The following CTBP1 variants were observed in gnomAD, a reference collection of about 807,000 sequenced individuals.
The protein encoded by CTBP1 is C-terminal-binding protein 1.
A neutral mutation model predicts 42.1 loss-of-function variants in CTBP1; 11 were observed. That is an observed-to-expected ratio of 0.26 (90% CI 0.16 to 0.43). The LOEUF (loss-of-function observed/expected upper bound fraction) is 0.43. Among genes scored for constraint, CTBP1 ranks in the 20% least tolerant of loss-of-function variants. The pLI, the probability that CTBP1 is intolerant of heterozygous loss-of-function variation, is 1.00. For missense variants in CTBP1, 399 were observed against 624.3 expected, an observed-to-expected ratio of 0.64 and a Z score of 3.85; for synonymous variants, 324 against 277.1, an observed-to-expected ratio of 1.17 and a Z score of -1.68.
chr4:1,242,974 A>C, intron 1 of CTBP1: 1 of 985,034 alleles, frequency 1.0e-6, no homozygotes, highest in Non-Finnish European at 1.2e-6. Flanking sequence ...CATCAACGCC[A>C]ACCGATACTC....
chr4:1,218,531 G>A (rs1729393041), intron 5 of CTBP1: 1 of 152,208 alleles, frequency 6.6e-6, no homozygotes, highest in South Asian at 2.1e-4. Flanking sequence ...CCAGAATCGG[G>A]GGGCGTAAAC....
intron 5 of CTBP1, among the ~76,000 whole-genome samples, chr4:1,222,955 T>G (rs908740202): frequency 8.6e-5 from 13 of 151,846 alleles, no homozygotes; most frequent in African/African-American, 2.4e-4. Flanking sequence ...CATCCCACAG[T>G]CCCTCGTACA....
chr4:1,228,105 G>C, intron 4 of CTBP1, 94 bp downstream of exon 4: 1 of 1,514,662 alleles, frequency 6.6e-7, no homozygotes, highest in Non-Finnish European at 9.0e-7. Flanking sequence ...TGTGCAACGG[G>C]GTCCTCAGTG....
chr4:1,219,884 G>A (rs1349040138), intron 5 of CTBP1, among the ~76,000 whole-genome samples: 1 of 152,226 alleles, frequency 6.6e-6, no homozygotes, highest in Non-Finnish European at 1.5e-5. Flanking sequence ...AAACTCAAGT[G>A]TATTTCTACC....
chr4:1,247,327 A>T (rs991358614), intron 1 of CTBP1, among the ~76,000 whole-genome samples: 3 of 152,182 alleles, frequency 2.0e-5, no homozygotes, highest in Non-Finnish European at 4.4e-5. Context: ...AGCTCTGCAG[A>T]GGACGCCTGT....
Position 1,213,531 on chromosome 4 carries a change from G to T in CTBP1, c.935C>A (p.Ala312Glu), listed in dbSNP as rs1230957261. ...TPHAAWYSEQ[A>E]SIEMREEAAR... ...CGCCTCCTCTCGCATCTCGATGGAT[G>T]CCTGCTCGCTGTACCATGCAGCATG... The change falls in exon 8 of 10, where the codon GCA becomes GAA. Residue 312 changes from alanine (A) to glutamate (E), a missense_variant. By Grantham distance (107) the Ala-to-Glu change is moderately radical. Around this residue, in one of 4 missense-constraint regions of CTBP1, gnomAD observed 309 missense variants for 497.5 expected, o/e 0.62. Coordinates refer to ENST00000382952, the MANE Select transcript of CTBP1 (RefSeq NM_001012614.2). The T allele has an allele frequency of 6.2e-7, 1 of 1,613,120 alleles. No homozygotes were observed. The highest frequency in any genetic ancestry group is 8.5e-7 in the Non-Finnish European group (1 of 1,179,930).
chr4:1,213,386 T>A, intron 8 of CTBP1, 92 bp downstream of exon 8: 1 of 1,575,264 alleles, frequency 6.3e-7, no homozygotes, highest in Non-Finnish European at 8.6e-7. Context: ...TGGCAGAACA[T>A]GGGCCTGGCT....
chr4:1,219,704 G>C (rs1404178386), intron 5 of CTBP1, among the ~76,000 whole-genome samples: 1 of 152,240 alleles, frequency 6.6e-6, no homozygotes, highest in South Asian at 2.1e-4. Context: ...AAATTCAAGA[G>C]AATCTGTTTT....
At chr4:1,247,301 T>A (rs1316942282) in intron 1 of CTBP1, among the ~76,000 whole-genome samples, 2 of 151,944 alleles carry the variant, frequency 1.3e-5, no homozygotes, top group Non-Finnish European at 2.9e-5. Context: ...CCACCCCCAG[T>A]GCGTGTCCCT....
At chr4:1,242,176 G>A (rs544885883) in intron 1 of CTBP1, 1 of 985,342 alleles carries the variant, frequency 1.0e-6, no homozygotes, top group East Asian at 1.1e-4. Context: ...ACGAACCCCA[G>A]TGGCTGAATG....
chr4:1,244,731 T>C, intron 1 of CTBP1: 1 of 985,206 alleles, frequency 1.0e-6, no homozygotes, highest in Non-Finnish European at 1.2e-6. Context: ...CCCTGATTAC[T>C]CCGGGCTCGA....
In CTBP1 at chr4:1,238,465, T is replaced by C. The variant is rs568501367; in HGVS notation, c.8-128A>G. On this transcript the variant is annotated intron_variant, in intron 2 of 9. Coordinates refer to ENST00000382952, the MANE Select transcript of CTBP1 (RefSeq NM_001012614.2). The surrounding 1 kb of genome is among the most constrained non-coding windows in gnomAD (Gnocchi z 5.9). ...CGGGGGTTTTCTGGTCTATATGTTG[T>C]GATATTTGTAAAAAGTAAATTAAAA... 7.1e-6 allele frequency: 8 copies of C among 1,122,668 alleles called. No homozygotes were observed. Among genetic ancestry groups the C allele is most frequent in the Non-Finnish European group, 9.7e-6 (8 of 822,018 alleles). The allele number at this position is 1,122,668 out of a possible 1,614,324, so 69.5% of individuals were successfully genotyped here.
intron 5 of CTBP1, chr4:1,223,639 T>C: frequency 5.3e-6 from 2 of 374,598 alleles, no homozygotes; most frequent in South Asian, 3.8e-5. Context: ...GGCCAAGGTG[T>C]CCAGGGAGTC....
At position 1,220,600 on chromosome 4, in the gene CTBP1, G is replaced by A. The variant is rs545328937; in HGVS notation, c.515-4395C>T. Reference sequence around the variant, plus strand: ...AGACCCTCGTCAAGAACATGGTGGAGGATCTCAAGGCTCACAGCCGTGCAG... The same window carrying A: ...AGACCCTCGTCAAGAACATGGTGGAAGATCTCAAGGCTCACAGCCGTGCAG... On this transcript the variant is annotated intron_variant, in intron 5 of 9. Coordinates refer to ENST00000382952, the MANE Select transcript of CTBP1 (RefSeq NM_001012614.2). Among the ~76,000 whole-genome samples, 243 of 152,366 alleles carry A rather than the reference G, an allele frequency of 1.6e-3. 1 individual carries two copies. Among genetic ancestry groups the A allele is most frequent in the Middle Eastern group, 0.014 (4 of 294 alleles).
intron 5 of CTBP1, chr4:1,216,834 G>C (rs1729174803): frequency 6.3e-6 from 1 of 159,530 alleles, no homozygotes; most frequent in Non-Finnish European, 1.4e-5. Flanking sequence ...TGTCTGGCTG[G>C]GGCCGGCTCC....
chr4:1,241,242 A>C (rs969056320), intron 2 of CTBP1, 83 bp downstream of exon 2: 10 of 780,466 alleles, frequency 1.3e-5, no homozygotes, highest in Non-Finnish European at 2.4e-5. Flanking sequence ...CCTCGACTTG[A>C]TCCGAGGCAG....
intron 1 of CTBP1, chr4:1,244,092 C>CG (rs1393815504): frequency 6.0e-5 from 59 of 985,252 alleles, no homozygotes; most frequent in East Asian, 1.1e-4. Flanking sequence ...CATCAAGTCC[C>CG]GGGGGGCTGC....
At chr4:1,245,252 T>C (rs1402298091) in intron 1 of CTBP1, 63 of 985,286 alleles carry the variant, frequency 6.4e-5, no homozygotes, top group Non-Finnish European at 7.6e-5. Context: ...GCGCAGGGGC[T>C]GTGATCAAAG....
At chr4:1,212,873 G>T in intron 9 of CTBP1, 40 bp downstream of exon 9, 4 of 1,537,930 alleles carry the variant, frequency 2.6e-6, no homozygotes, top group Non-Finnish European at 3.6e-6. Context: ...GAAGCCTGGG[G>T]CCCTCCTGGA....
Sources: allele counts gnomAD v4.1 joint callset (sites outside exome capture counted in the v4.1 genomes callset), GRCh38; gene constraint gnomAD v4.1.1; regional missense constraint gnomAD v4.1.1; non-coding constraint Gnocchi (gnomAD v3.1); transcripts MANE v1.5; gene names NCBI Gene and HGNC (gene_info 2026-07-23, HGNC 2026-07-21).